Variants in TRIM33 observed in about 807,000 individuals in gnomAD.
TRIM33 encodes the protein E3 ubiquitin-protein ligase TRIM33.
A neutral mutation model predicts 125.4 loss-of-function variants in TRIM33; 20 were observed. The ratio of observed to expected loss-of-function variants is 0.16; its 90% CI spans 0.11 to 0.23. The LOEUF is 0.23. Ranked by LOEUF, TRIM33 falls within the 10% of genes least tolerant of loss-of-function variation. The pLI, the probability that TRIM33 is intolerant of heterozygous loss-of-function variation, is 1.00. For missense variants in TRIM33, 920 were observed against 1,411.4 expected (o/e 0.65, Z 5.58); for synonymous variants, 564 against 513.9 (o/e 1.10, Z -1.32).
At chr1:114,489,024 T>C (rs2101526033) in intron 1 of TRIM33, among the ~76,000 whole-genome samples, 1 of 152,342 alleles carries the variant, frequency 6.6e-6, no homozygotes, top group South Asian at 2.1e-4. Flanking sequence ...CACTACAGCC[T>C]GGGTGACAGA....
In TRIM33 at chr1:114,393,077, A is replaced by G. The variant is rs917319193; in HGVS notation, c.*4571T>C. On this transcript the variant is annotated 3_prime_UTR_variant, in exon 20 of 20. Transcript: ENST00000358465. The stretch of plus-strand genomic sequence containing the variant: ...ACAGAAACAGCACTTTTTAAGAATC[A>G]TATTGAAGGGCAGTTAACTATGTGC... 4.9e-6 allele frequency: 1 copy of G among 203,246 alleles called. No individual in the cohort carries two copies. The highest frequency in any genetic ancestry group is 2.3e-5 in the African/African-American group (1 of 43,740). The allele number at this position is 203,246 out of a possible 1,614,324, so 12.6% of individuals were successfully genotyped here. A position where few individuals can be genotyped will look rare whatever the true frequency, so the allele number is the denominator to read the frequency against.
intron 4 of TRIM33, among the ~76,000 whole-genome samples, chr1:114,441,094 G>A (rs912808211): frequency 6.6e-5 from 10 of 152,160 alleles, no homozygotes; most frequent in Admixed American, 2.6e-4. Context: ...GATCGCTTGC[G>A]GCCTGAAGTG....
chr1:114,422,649 GA>G (rs796601336), intron 10 of TRIM33, among the ~76,000 whole-genome samples: 157 of 137,488 alleles, frequency 1.1e-3, no homozygotes, highest in East Asian at 2.7e-3. Context: ...CACCAGGAAG[GA>G]AAAAAAAAAA....
At chr1:114,399,935 TTC>T (rs1483539446) in intron 17 of TRIM33, among the ~76,000 whole-genome samples, 1 of 152,068 alleles carries the variant, frequency 6.6e-6, no homozygotes, top group Non-Finnish European at 1.5e-5. Context: ...TTAGGAGTTT[TTC>T]TTTTTTTTTT....
chr1:114,452,785 A>C (rs919083730), intron 4 of TRIM33, among the ~76,000 whole-genome samples: 1 of 151,062 alleles, frequency 6.6e-6, no homozygotes, highest in African/African-American at 2.4e-5. Flanking sequence ...ACCTGTAGTC[A>C]TAACAATTTG....
At chr1:114,405,376 A>C in intron 15 of TRIM33, 34 bp downstream of exon 15, 1 of 1,515,100 alleles carries the variant, frequency 6.6e-7, no homozygotes, top group Non-Finnish European at 9.0e-7. Context: ...AGCTTATGAA[A>C]ATCAACACCA....
intron 1 of TRIM33, among the ~76,000 whole-genome samples, chr1:114,491,630 C>T (rs923712161): frequency 1.3e-5 from 2 of 152,012 alleles, no homozygotes; most frequent in African/African-American, 4.8e-5. Flanking sequence ...TGGTGAAACC[C>T]AGTCTTTACA....
intron 4 of TRIM33, among the ~76,000 whole-genome samples, chr1:114,441,249 C>T (rs11102792): frequency 0.35 from 53,602 of 152,086 alleles, 10,126 homozygotes; most frequent in African/African-American, 0.46. Context: ...TGAGCTATGA[C>T]CACACCACTG....
intron 1 of TRIM33, among the ~76,000 whole-genome samples, chr1:114,478,072 C>T (rs974229311): frequency 3.3e-5 from 5 of 152,154 alleles, no homozygotes; most frequent in African/African-American, 1.2e-4. Flanking sequence ...AAGCAAACAA[C>T]GAATTCAGAC....
intron 4 of TRIM33, among the ~76,000 whole-genome samples, chr1:114,439,672 A>G (rs1023600195): frequency 1.3e-5 from 2 of 152,002 alleles, no homozygotes; most frequent in African/African-American, 4.8e-5. Context: ...TTCAAATTTG[A>G]TGATCTATAG....
At chr1:114,465,217 A>G (rs1650217819) in intron 1 of TRIM33, among the ~76,000 whole-genome samples, 1 of 152,246 alleles carries the variant, frequency 6.6e-6, no homozygotes. Context: ...GACTTATCAG[A>G]ATGGATAAAC....
intron 1 of TRIM33, among the ~76,000 whole-genome samples, chr1:114,478,770 A>C (rs1651123917): frequency 6.6e-6 from 1 of 152,202 alleles, no homozygotes; most frequent in African/African-American, 2.4e-5. Flanking sequence ...ACTTCAGGCC[A>C]GGCGTGGTGG....
At chr1:114,463,029 T>G in intron 4 of TRIM33, 75 bp downstream of exon 4, 1 of 1,179,138 alleles carries the variant, frequency 8.5e-7, no homozygotes, top group Non-Finnish European at 1.2e-6. Flanking sequence ...ATAATCAATA[T>G]TTGCTTTAAG....
chr1:114,502,561 C>T (rs1403985089), intron 1 of TRIM33, among the ~76,000 whole-genome samples: 2 of 152,170 alleles, frequency 1.3e-5, no homozygotes, highest in Non-Finnish European at 2.9e-5. Flanking sequence ...GACTGGAGTG[C>T]AACGGCATGA....
chr1:114,459,771 T>C (rs1260422976), intron 4 of TRIM33, among the ~76,000 whole-genome samples: 1 of 152,114 alleles, frequency 6.6e-6, no homozygotes, highest in Non-Finnish European at 1.5e-5. Context: ...TCTCTCCATA[T>C]ATATATACAG....
intron 5 of TRIM33, among the ~76,000 whole-genome samples, chr1:114,431,162 T>G (rs1397357541): frequency 6.6e-6 from 1 of 152,244 alleles, no homozygotes; most frequent in African/African-American, 2.4e-5. Context: ...TTAAGCTGGA[T>G]GGCAATCTAC....
intron 1 of TRIM33, among the ~76,000 whole-genome samples, chr1:114,474,393 C>A (rs142557757): frequency 3.4e-5 from 5 of 147,098 alleles, no homozygotes; most frequent in African/African-American, 1.3e-4. Context: ...CACAGCAAGG[C>A]CCCATTTCTA....
intron 1 of TRIM33, among the ~76,000 whole-genome samples, chr1:114,476,457 AAACT>A (rs1349981834): frequency 5.9e-5 from 9 of 152,116 alleles, no homozygotes; most frequent in African/African-American, 2.2e-4. Context: ...TTTAAAAACA[AAACT>A]AATAAAACTT....
chr1:114,430,465 T>C (rs77036565), intron 6 of TRIM33, among the ~76,000 whole-genome samples: 4,005 of 152,106 alleles, frequency 0.026, 93 homozygotes, highest in Non-Finnish European at 0.034. Context: ...CTGGGCTGGA[T>C]CCCGGGGCTC....
Sources: allele counts gnomAD v4.1 joint callset (sites outside exome capture counted in the v4.1 genomes callset), GRCh38; gene constraint gnomAD v4.1.1; transcripts MANE v1.5; gene names NCBI Gene and HGNC (gene_info 2026-07-23, HGNC 2026-07-21).